The following PAXIP1 variants were observed in gnomAD, a reference collection of about 807,000 sequenced individuals.
The protein encoded by PAXIP1 is PAX interacting protein 1, also known as PAX-interacting protein 1.
PAXIP1 carries 19 observed loss-of-function variants against 140.6 expected under a neutral mutation model. The ratio of observed to expected loss-of-function variants is 0.14; its 90% CI spans 0.09 to 0.20. The LOEUF is 0.20. Among genes scored for constraint, PAXIP1 ranks in the 10% least tolerant of loss-of-function variants. The pLI is 1.00. For missense variants in PAXIP1, 920 were observed against 1,208.6 expected (o/e 0.76, Z 3.54); for synonymous variants, 442 against 444.6 (o/e 0.99, Z 0.07).
At chr7:154,952,279 T>C (rs1336951128) in intron 16 of PAXIP1, 1 of 152,224 alleles carries the variant, frequency 6.6e-6, no homozygotes, top group Admixed American at 6.5e-5. Context: ...TCAGTGTCTG[T>C]GGCACTTCGG....
rs369549055 is a variant in PAXIP1, at chr7:154,975,680, G to A, written c.1074+16C>T. ...AAGATCCAATACTGACATTTTTTTC[G>A]GAAAGAGTGACTTACATGTGCTACA... On this transcript the variant is annotated intron_variant, in intron 6 of 20. Coordinates refer to ENST00000404141, the MANE Select transcript of PAXIP1 (RefSeq NM_007349.4). 96 of 1,533,404 alleles carry A rather than the reference G, an allele frequency of 6.3e-5. No homozygotes were observed. Among genetic ancestry groups the A allele is most frequent in the East Asian group, 4.7e-4 (21 of 44,334 alleles). 95.0% of individuals were successfully genotyped at this position (1,533,404 alleles called of 1,614,324 possible). A position where few individuals can be genotyped will look rare whatever the true frequency, so the allele number is the denominator to read the frequency against.
chr7:154,974,275 T>C (rs1056405424), intron 6 of PAXIP1: 1 of 152,322 alleles, frequency 6.6e-6, no homozygotes, highest in African/African-American at 2.4e-5. Context: ...TATGTCCTCT[T>C]AAGGGGCCTC....
In PAXIP1 at chr7:154,954,364, A is replaced by G. The variant is rs1328990777; in HGVS notation, c.2712T>C (p.Ile904=). The G allele has an allele frequency of 1.2e-6, 2 of 1,609,470 alleles. No individual in the cohort carries two copies. Among genetic ancestry groups the G allele is most frequent in the South Asian group, 1.1e-5 (1 of 90,580 alleles). ...AESAQKCTHL[I]ASKVTRTVKF... is the part of the protein sequence containing the mutation. ...TCACGGTGCGAGTCACTTTGCTGGCAATGAGGTGTGTGCACTTCTGTGCAG... is the reference window on the plus strand; with the variant it reads ...TCACGGTGCGAGTCACTTTGCTGGCGATGAGGTGTGTGCACTTCTGTGCAG... Residue 904 remains isoleucine, a synonymous_variant, in exon 16 of 21, where the codon ATT becomes ATC. Coordinates refer to ENST00000404141, the MANE Select transcript of PAXIP1 (RefSeq NM_007349.4). The surrounding 1 kb of genome is among the most constrained non-coding windows in gnomAD (Gnocchi z 5.1).
At chr7:154,955,243 CAGA>C (rs1466085855) in intron 15 of PAXIP1, among the ~76,000 whole-genome samples, 1 of 152,164 alleles carries the variant, frequency 6.6e-6, no homozygotes, top group African/African-American at 2.4e-5. Context: ...GAATACGACA[CAGA>C]AGGAGACTTG....
chr7:155,002,797 C>CGG lies in PAXIP1; in HGVS notation c.81+50_81+51dup, dbSNP rs1810988167. The CGG allele has an allele frequency of 1.4e-5, 15 of 1,052,518 alleles. No homozygotes were observed. The South Asian group carries it at 2.6e-4, about 18-fold the overall frequency. The allele number at this position is 1,052,518 out of a possible 1,614,324, so 65.2% of individuals were successfully genotyped here. On this transcript the variant is annotated intron_variant, in intron 1 of 20. Coordinates refer to ENST00000404141, the MANE Select transcript of PAXIP1 (RefSeq NM_007349.4). ...GCGGGGACGGGGACGGGGACGGGGA[C>CGG]GGACGGGGACGCGGACGGGGGAGGA...
At chr7:154,979,783 TAGAA>T (rs1809758131) in intron 5 of PAXIP1, among the ~76,000 whole-genome samples, 1 of 152,066 alleles carries the variant, frequency 6.6e-6, no homozygotes, top group South Asian at 2.1e-4. Flanking sequence ...AGGGGTGAGT[TAGAA>T]AGAACCAGGG....
chr7:154,960,959 G>T lies in PAXIP1; in HGVS notation c.2368C>A (p.Arg790Ser). The change falls in exon 12 of 21, where the codon CGC becomes AGC. Residue 790 changes from arginine to serine, a missense_variant. Physicochemically the swap from Arg to Ser is moderately radical, Grantham distance 110. Transcript: ENST00000404141. ...TCCTGCAGACTGAATGCCGTGTAGC[G>T]ACTATACTGAATCTGCCTCAGTGCC... Reference protein sequence around the residue: ...FEALRQIQYSRYTAFSLQDPF... With the variant: ...FEALRQIQYSSYTAFSLQDPF... 2 of 1,604,674 alleles carry T rather than the reference G, an allele frequency of 1.2e-6. No individual in the cohort carries two copies. The highest frequency in any genetic ancestry group is 1.7e-6 in the Non-Finnish European group (2 of 1,175,252).
chr7:154,965,511 G>A (rs572725750), intron 8 of PAXIP1: 1 of 141,462 alleles, frequency 7.1e-6, no homozygotes, highest in South Asian at 2.2e-4. Context: ...CTGATAGCTG[G>A]ATTTTCTTCC....
At chr7:154,996,198 A>G (rs563903850) in intron 2 of PAXIP1, among the ~76,000 whole-genome samples, 10 of 152,338 alleles carry the variant, frequency 6.6e-5, no homozygotes, top group South Asian at 4.1e-4. Flanking sequence ...TAAGAATATC[A>G]GGATCTACTT....
intron 7 of PAXIP1, 99 bp downstream of exon 7, chr7:154,968,301 ATTG>A: frequency 1.1e-6 from 1 of 907,162 alleles, no homozygotes; most frequent in Non-Finnish European, 1.7e-6. Context: ...TTTTGTAGTA[ATTG>A]TTTTGATATG....
At chr7:154,995,951 T>C (rs1563391919) in intron 2 of PAXIP1, among the ~76,000 whole-genome samples, 1 of 152,234 alleles carries the variant, frequency 6.6e-6, no homozygotes, top group Non-Finnish European at 1.5e-5. Context: ...TTTAAAAGTT[T>C]TGGTGCCCAA....
At position 154,956,833 on chromosome 7, in the gene PAXIP1, A is replaced by G. The variant is rs534449044; in HGVS notation, c.2549+391T>C. The G allele has an allele frequency of 5.6e-5, 9 of 160,694 alleles. No individual in the cohort carries two copies. The highest frequency in any genetic ancestry group is 3.2e-4 in the Admixed American group (5 of 15,476). The allele number at this position is 160,694 out of a possible 1,614,324, so 10.0% of individuals were successfully genotyped here. On this transcript the variant is annotated intron_variant, in intron 14 of 20. Transcript: ENST00000404141. This position sits in a 1 kb window ranked among gnomAD's most constrained non-coding sequence, Gnocchi z 4.2. Reference sequence around the variant, plus strand: ...CCTACATGCTCTCTCGGCAGCCTACATGCTCTCTCGGCAGCCTACACGCTC... The same window carrying G: ...CCTACATGCTCTCTCGGCAGCCTACGTGCTCTCTCGGCAGCCTACACGCTC...
intron 12 of PAXIP1, 135 bp downstream of exon 12, chr7:154,960,758 A>C: frequency 6.3e-6 from 4 of 637,802 alleles, no homozygotes; most frequent in Admixed American, 3.5e-5. Flanking sequence ...AGTATAGAAA[A>C]GAAATTGGAA....
At position 154,963,559 on chromosome 7, in the gene PAXIP1, C is replaced by G. The variant is rs1808865001; in HGVS notation, c.1989+112G>C. 4 of 695,830 alleles carry G rather than the reference C, an allele frequency of 5.7e-6. No individual in the cohort carries two copies. The highest frequency in any genetic ancestry group is 1.0e-5 in the Non-Finnish European group (4 of 394,370). The allele number at this position is 695,830 out of a possible 1,614,324, so 43.1% of individuals were successfully genotyped here. On this transcript the variant is annotated intron_variant, in intron 9 of 20. Transcript: ENST00000404141. The surrounding 1 kb of genome is among the most constrained non-coding windows in gnomAD (Gnocchi z 4.1). Reference sequence around the variant, plus strand: ...TCACAGGAAGAAGGAATTTTCCTATCTTTAGAGGTAGAAAAAAGTTCTTTC... The same window carrying G: ...TCACAGGAAGAAGGAATTTTCCTATGTTTAGAGGTAGAAAAAAGTTCTTTC...
intron 16 of PAXIP1, chr7:154,948,234 A>G: frequency 2.0e-6 from 1 of 491,988 alleles, no homozygotes; most frequent in Non-Finnish European, 3.7e-6. Flanking sequence ...GTAATTAACC[A>G]TTTGGGGTCA....
At chr7:154,995,945 A>T (rs34656358) in intron 2 of PAXIP1, among the ~76,000 whole-genome samples, 1 of 152,274 alleles carries the variant, frequency 6.6e-6, no homozygotes, top group African/African-American at 2.4e-5. Flanking sequence ...AATAATTTTA[A>T]AAGTTTTGGT....
At position 154,968,985 on chromosome 7, in the gene PAXIP1, GC is replaced by G; in HGVS notation, c.1215del (p.Gln405HisfsTer20). On this transcript the variant is annotated frameshift_variant, in exon 7 of 21. Coordinates refer to ENST00000404141, the MANE Select transcript of PAXIP1 (RefSeq NM_007349.4). LOFTEE classifies it high-confidence loss of function. ...TGCTGCTGCTGCTGCTGCTGGGCCT[GC>G]TGCTGCTGCTGTAGCATGTGTGTCT... ...TPETHMLQQQQQAQQQQQQHP... is the reference protein window; with the variant it reads ...TPETHMLQQQXQAQQQQQQHP... 7.1e-7 allele frequency: 1 copy of G among 1,401,004 alleles called. No individual in the cohort carries two copies. Among genetic ancestry groups the G allele is most frequent in the Non-Finnish European group, 9.6e-7 (1 of 1,036,436 alleles). 86.8% of individuals were successfully genotyped at this position (1,401,004 alleles called of 1,614,324 possible). A position where few individuals can be genotyped will look rare whatever the true frequency, so the allele number is the denominator to read the frequency against.
chr7:154,968,748 G>GAA lies in PAXIP1; in HGVS notation c.1452_1453insTT (p.Gln485PhefsTer74), dbSNP rs1192026630. ...TGCTGAAAGGGCTGGAGCTGCTGCT[G>GAA]AGGGCGATGCAGCTGCTGTGGAGGA... On this transcript the variant is annotated frameshift_variant, in exon 7 of 21. Coordinates refer to ENST00000404141, the MANE Select transcript of PAXIP1 (RefSeq NM_007349.4). LOFTEE classifies it high-confidence loss of function. 2 of 719,150 alleles carry GAA rather than the reference G, an allele frequency of 2.8e-6. No individual in the cohort carries two copies. Among genetic ancestry groups the GAA allele is most frequent in the Non-Finnish European group, 2.6e-6 (1 of 385,692 alleles). The allele number at this position is 719,150 out of a possible 1,614,324, so 44.5% of individuals were successfully genotyped here.
At chr7:154,978,046 A>G (rs1046052892) in intron 5 of PAXIP1, among the ~76,000 whole-genome samples, 1 of 151,772 alleles carries the variant, frequency 6.6e-6, no homozygotes, top group Non-Finnish European at 1.5e-5. Context: ...AATAACTGGC[A>G]ATCTTTTACA....
Sources: gnomAD v4.1 joint callset for allele counts (sites outside exome capture counted in the v4.1 genomes callset) on GRCh38, gnomAD v4.1.1 for gene constraint, Gnocchi (gnomAD v3.1) non-coding constraint, MANE v1.5 for transcripts, NCBI Gene and HGNC (gene_info 2026-07-23, HGNC 2026-07-21) for gene names.